CREB5: variants seen among roughly 807,000 people sequenced by gnomAD.
CREB5 encodes the protein cyclic AMP-responsive element-binding protein 5.
CREB5 carries 19 observed loss-of-function variants against 57.1 expected under a neutral mutation model. That is an observed-to-expected ratio of 0.33 (90% confidence interval 0.23 to 0.49). The LOEUF is 0.49. Among genes scored for constraint, CREB5 ranks in the 20% least tolerant of loss-of-function variants. The probability of loss-of-function intolerance (pLI) is 0.99; values close to 1 mark genes in which losing one functional copy is unlikely to be tolerated. For missense variants in CREB5, 579 were observed against 671.6 expected (o/e 0.86, Z 1.52); for synonymous variants, 238 against 238.3 (o/e 1.00, Z 0.01).
intron 7 of CREB5, among the ~76,000 whole-genome samples, chr7:28,801,378 T>TA (rs913802656): frequency 6.6e-6 from 1 of 152,226 alleles, no homozygotes; most frequent in African/African-American, 2.4e-5. Flanking sequence ...GTCATTTTTT[T>TA]AAAAAGGCAT....
At chr7:28,389,531 G>T (rs1310235871) in intron 1 of CREB5, among the ~76,000 whole-genome samples, 2 of 152,012 alleles carry the variant, frequency 1.3e-5, no homozygotes, top group Non-Finnish European at 2.9e-5. Flanking sequence ...TCCTCAGATG[G>T]TGTTCACCTT....
At chr7:28,464,874 G>A (rs754957103) in intron 1 of CREB5, among the ~76,000 whole-genome samples, 5 of 152,204 alleles carry the variant, frequency 3.3e-5, no homozygotes, top group South Asian at 2.1e-4. Context: ...CTTAACATAC[G>A]TAGCTGTTAG....
intron 5 of CREB5, among the ~76,000 whole-genome samples, chr7:28,704,266 G>A (rs528484683): frequency 4.6e-5 from 7 of 152,174 alleles, no homozygotes; most frequent in South Asian, 2.1e-4. Flanking sequence ...TGACCTCCTC[G>A]CCTACCTGTC....
At chr7:28,818,004 G>A (rs570109162) in intron 9 of CREB5, 67 bp from the exon 10 acceptor site, 6 of 1,185,148 alleles carry the variant, frequency 5.1e-6, no homozygotes, top group East Asian at 2.4e-5. Flanking sequence ...GTTGTTGAAA[G>A]TGCACAGGGC....
rs546127678 is a variant in CREB5, at chr7:28,734,784, T to C, written c.702+10452T>C. 2.6e-5 allele frequency among the ~76,000 whole-genome samples: 4 copies of C among 152,338 alleles called. No homozygotes were observed. In the East Asian group the frequency reaches 7.7e-4, roughly 29 times the overall value. ...GTTCATCTCACAGCATTTTCAGAAA[T>C]ATTTAACATTATCATTTTAAGCAAG... On this transcript the variant is annotated intron_variant, in intron 7 of 10. Coordinates refer to ENST00000357727, the MANE Select transcript of CREB5 (RefSeq NM_182898.4).
At chr7:28,649,074 G>T (rs1799024575) in intron 5 of CREB5, among the ~76,000 whole-genome samples, 2 of 152,190 alleles carry the variant, frequency 1.3e-5, no homozygotes, top group Non-Finnish European at 2.9e-5. Flanking sequence ...GGTTTCCCTG[G>T]AAGACATAAA....
intron 7 of CREB5, among the ~76,000 whole-genome samples, chr7:28,795,871 A>G (rs767494737): frequency 6.6e-6 from 1 of 150,900 alleles, no homozygotes; most frequent in Non-Finnish European, 1.5e-5. Flanking sequence ...CTCCTGCCTC[A>G]GCCTCCCAAG....
At chr7:28,665,465 C>A (rs984022796) in intron 5 of CREB5, among the ~76,000 whole-genome samples, 1 of 152,146 alleles carries the variant, frequency 6.6e-6, no homozygotes, top group African/African-American at 2.4e-5. Context: ...TTTTTCTGAG[C>A]TGGTTATTTT....
intron 1 of CREB5, among the ~76,000 whole-genome samples, chr7:28,338,283 T>C (rs900474603): frequency 5.9e-5 from 9 of 152,202 alleles, no homozygotes; most frequent in African/African-American, 2.2e-4. Context: ...GAACTCCCTT[T>C]AGCGTTTCTT....
intron 4 of CREB5, among the ~76,000 whole-genome samples, chr7:28,552,021 C>T (rs1045443046): frequency 6.7e-6 from 1 of 148,716 alleles, no homozygotes. Flanking sequence ...TTTTCTCTCT[C>T]TCTTTCTCTC....
At chr7:28,781,212 G>A (rs939994952) in intron 7 of CREB5, among the ~76,000 whole-genome samples, 2 of 152,116 alleles carry the variant, frequency 1.3e-5, no homozygotes, top group Non-Finnish European at 2.9e-5. Context: ...TGTGCCCTTC[G>A]ATTTTCCTGC....
At chr7:28,409,026 C>A (rs1275433844), upstream of CREB5, among the ~76,000 whole-genome samples, 1 of 152,068 alleles carries the variant, frequency 6.6e-6, no homozygotes, top group Non-Finnish European at 1.5e-5. The surrounding 1 kb of genome is among the most constrained non-coding windows in gnomAD (Gnocchi z 4.4). Context: ...CACGCCCGCG[C>A]CTCCTCCGTG....
intron 1 of CREB5, among the ~76,000 whole-genome samples, chr7:28,312,401 G>A (rs1340035492): frequency 1.3e-5 from 2 of 152,180 alleles, no homozygotes; most frequent in African/African-American, 2.4e-5. Flanking sequence ...ACAGAGTGGT[G>A]GAGCTGCAAG....
At chr7:28,657,265 G>A (rs563702983) in intron 5 of CREB5, among the ~76,000 whole-genome samples, 23 of 152,232 alleles carry the variant, frequency 1.5e-4, no homozygotes, top group Admixed American at 1.4e-3. Flanking sequence ...TGAACAATTG[G>A]TTTCCAAATA....
At chr7:28,516,467 G>T (rs1018742951) in intron 4 of CREB5, among the ~76,000 whole-genome samples, 1 of 152,146 alleles carries the variant, frequency 6.6e-6, no homozygotes, top group Non-Finnish European at 1.5e-5. Context: ...ATAAATGACC[G>T]AAAAAAGAAA....
chr7:28,672,183 A>AC (rs780777473), intron 5 of CREB5, among the ~76,000 whole-genome samples: 44,958 of 113,482 alleles, frequency 0.4, 7,314 homozygotes, highest in Middle Eastern at 0.5. Flanking sequence ...TGGAAAAAAA[A>AC]AAAAAACACA....
chr7:28,556,076 TA>T (rs1406467107), intron 4 of CREB5, among the ~76,000 whole-genome samples: 1 of 152,154 alleles, frequency 6.6e-6, no homozygotes, highest in Non-Finnish European at 1.5e-5. Flanking sequence ...CGCTTCTGCT[TA>T]GGGAGTCAAC....
chr7:28,334,470 T>C (rs556897526), intron 1 of CREB5, among the ~76,000 whole-genome samples: 1 of 152,334 alleles, frequency 6.6e-6, no homozygotes, highest in East Asian at 1.9e-4. Flanking sequence ...CACCTTTTTA[T>C]ATAGCTGTTT....
chr7:28,720,738 A>T (rs1414490020), intron 6 of CREB5, among the ~76,000 whole-genome samples: 3 of 152,216 alleles, frequency 2.0e-5, no homozygotes, highest in East Asian at 1.9e-4. Context: ...CAATGCAATT[A>T]TCCCACATTT....
Sources: gnomAD v4.1 joint callset for allele counts (sites outside exome capture counted in the v4.1 genomes callset) on GRCh38, gnomAD v4.1.1 for gene constraint, Gnocchi (gnomAD v3.1) non-coding constraint, MANE v1.5 for transcripts, NCBI Gene and HGNC (gene_info 2026-07-23, HGNC 2026-07-21) for gene names.